Variants in FMO1 observed in about 807,000 individuals in gnomAD.
FMO1 encodes the protein flavin-containing monooxygenase 1.
In FMO1, 36 loss-of-function variants were observed where a neutral mutation model predicts 45.4. The ratio of observed to expected loss-of-function variants is 0.79; its 90% confidence interval spans 0.61 to 1.05. The LOEUF (loss-of-function observed/expected upper bound fraction) is 1.05, where lower values mean the gene tolerates loss of function less well. FMO1 is among the 50% of genes least tolerant of loss of function. The pLI is 0.00. For missense variants in FMO1, 615 were observed against 640.3 expected (o/e 0.96, Z 0.43); for synonymous variants, 228 against 227.2 (o/e 1.00, Z -0.03).
chr1:171,272,278 A>G (rs1660903566), intron 3 of FMO1, among the ~76,000 whole-genome samples: 2 of 152,378 alleles, frequency 1.3e-5, no homozygotes, highest in Admixed American at 1.3e-4. Context: ...TAGATTTCAC[A>G]GGATGTATGG....
At chr1:171,282,760 G>GACATGCAC (rs1312679369) in intron 7 of FMO1, 1 of 244,106 alleles carries the variant, frequency 4.1e-6, no homozygotes, top group African/African-American at 2.3e-5. Flanking sequence ...GGAGACTACA[G>GACATGCAC]ACATGCACAC....
chr1:171,264,905 A>T (rs1346640566), intron 2 of FMO1, among the ~76,000 whole-genome samples: 2 of 151,772 alleles, frequency 1.3e-5, no homozygotes, highest in African/African-American at 4.8e-5. Flanking sequence ...TCTCAAAAAA[A>T]AACAAAAACA....
intron 2 of FMO1, among the ~76,000 whole-genome samples, chr1:171,258,609 C>T (rs371739454): frequency 1.6e-4 from 24 of 152,320 alleles, no homozygotes; most frequent in African/African-American, 5.5e-4. Context: ...GCCTGCAAGA[C>T]TGAGCTGCTT....
In FMO1 at chr1:171,282,039, G is replaced by C; in HGVS notation, c.889G>C (p.Val297Leu). The C allele has an allele frequency of 6.2e-7, 1 of 1,613,646 alleles. No individual in the cohort carries two copies. The highest frequency in any genetic ancestry group is 8.5e-7 in the Non-Finnish European group (1 of 1,179,866). Residue 297 changes from valine (V) to leucine (L), a missense_variant, in exon 7 of 9, where the codon GTG becomes CTG. By Grantham distance (32) the Val-to-Leu change is conservative. Coordinates refer to ENST00000617670, the MANE Select transcript of FMO1 (RefSeq NM_001282693.2). Reference protein sequence around the residue: ...ELPGRIITGKVFIRPSIKEVK... With the variant: ...ELPGRIITGKLFIRPSIKEVK... ...CCCAGGACGCATCATCACTGGGAAAGTGTTCATCAGGCCAAGCATAAAAGA... is the reference window on the plus strand; with the variant it reads ...CCCAGGACGCATCATCACTGGGAAACTGTTCATCAGGCCAAGCATAAAAGA...
At chr1:171,272,944 G>A (rs894222954) in intron 3 of FMO1, among the ~76,000 whole-genome samples, 8 of 152,136 alleles carry the variant, frequency 5.3e-5, no homozygotes, top group African/African-American at 1.9e-4. Flanking sequence ...GAAATGTGAG[G>A]ACATGAGATT....
intron 4 of FMO1, among the ~76,000 whole-genome samples, chr1:171,276,963 A>C (rs2101834036): frequency 6.6e-6 from 1 of 152,264 alleles, no homozygotes; most frequent in African/African-American, 2.4e-5. Flanking sequence ...CTAAGCCTCA[A>C]ATTTACCCAC....
chr1:171,265,262 G>A (rs1401638370), intron 2 of FMO1, among the ~76,000 whole-genome samples: 5 of 151,854 alleles, frequency 3.3e-5, no homozygotes, highest in African/African-American at 1.2e-4. Flanking sequence ...GTGGTGGCGG[G>A]TGCCTGTAGT....
At chr1:171,272,998 C>T (rs955442816) in intron 3 of FMO1, among the ~76,000 whole-genome samples, 1 of 152,150 alleles carries the variant, frequency 6.6e-6, no homozygotes, top group Non-Finnish European at 1.5e-5. Flanking sequence ...TCTGTGTCCC[C>T]ACTCAAATGT....
chr1:171,270,178 A>G (rs886848045), intron 3 of FMO1, among the ~76,000 whole-genome samples: 10 of 152,224 alleles, frequency 6.6e-5, no homozygotes, highest in African/African-American at 2.2e-4. Context: ...TAGTCCTTCA[A>G]GGACTAATTT....
chr1:171,275,858 C>T (rs1321225971), intron 4 of FMO1, among the ~76,000 whole-genome samples: 2 of 152,104 alleles, frequency 1.3e-5, no homozygotes, highest in Non-Finnish European at 2.9e-5. Flanking sequence ...AGCAGGTACA[C>T]ATTGCCAAAG....
intron 3 of FMO1, among the ~76,000 whole-genome samples, chr1:171,272,999 A>G (rs987200767): frequency 6.6e-6 from 1 of 152,126 alleles, no homozygotes; most frequent in Non-Finnish European, 1.5e-5. Flanking sequence ...CTGTGTCCCC[A>G]CTCAAATGTC....
chr1:171,262,264 A>T (rs1448657415), intron 2 of FMO1, among the ~76,000 whole-genome samples: 1 of 152,146 alleles, frequency 6.6e-6, no homozygotes, highest in African/African-American at 2.4e-5. Context: ...ACGAAACCCC[A>T]TCTCTACTAA....
intron 3 of FMO1, chr1:171,270,557 T>C: frequency 1.0e-6 from 1 of 977,500 alleles, no homozygotes; most frequent in Non-Finnish European, 1.2e-6. Context: ...GCTGCAACTT[T>C]TTTTTTTTTG....
intron 6 of FMO1, 101 bp from the exon 7 acceptor site, chr1:171,281,877 C>A: frequency 1.5e-6 from 1 of 660,336 alleles, no homozygotes; most frequent in Non-Finnish European, 2.6e-6. Context: ...TCTTGTCCAA[C>A]CAAGGAGAGA....
At chr1:171,275,651 G>GT (rs1236590058) in intron 4 of FMO1, 143 bp downstream of exon 4, 4 of 593,712 alleles carry the variant, frequency 6.7e-6, no homozygotes, top group Non-Finnish European at 1.1e-5. Context: ...GTTTTGTTTT[G>GT]TTTTTTTCTA....
At chr1:171,258,061 T>C (rs1660235519) in intron 1 of FMO1, 21 bp from the exon 2 acceptor site, 12 of 1,613,670 alleles carry the variant, frequency 7.4e-6, no homozygotes, top group Admixed American at 1.7e-5. Flanking sequence ...ATAAAAAGCC[T>C]GCTTCATCTT....
intron 3 of FMO1, among the ~76,000 whole-genome samples, chr1:171,272,894 G>A (rs1660925735): frequency 6.6e-6 from 1 of 152,206 alleles, no homozygotes; most frequent in Admixed American, 6.5e-5. Context: ...AATGAGTTAA[G>A]ACCTTGGGGG....
In FMO1 at chr1:171,272,277, C is replaced by G. The variant is rs1347653505; in HGVS notation, c.322-3069C>G. Among the ~76,000 whole-genome samples, 8 of 152,344 alleles carry G rather than the reference C, an allele frequency of 5.3e-5. No individual in the cohort carries two copies. The East Asian group carries it at 1.5e-3, about 29-fold the overall frequency. ...TTTGGGAACCTTCACCTAGATTTCA[C>G]AGGATGTATGGAAATGCCTGGATGT... On this transcript the variant is annotated intron_variant, in intron 3 of 8. Coordinates refer to ENST00000617670, the MANE Select transcript of FMO1 (RefSeq NM_001282693.2).
At chr1:171,281,115 G>C (rs1661342027) in intron 6 of FMO1, 130 bp downstream of exon 6, 2 of 694,674 alleles carry the variant, frequency 2.9e-6, no homozygotes, top group South Asian at 3.7e-5. Context: ...AAATTTGCTT[G>C]ATAATAACAG....
Sources: gnomAD v4.1 joint callset for allele counts (sites outside exome capture counted in the v4.1 genomes callset) on GRCh38, gnomAD v4.1.1 for gene constraint, MANE v1.5 for transcripts, NCBI Gene and HGNC (gene_info 2026-07-23, HGNC 2026-07-21) for gene names.